The following SH2D4A variants were observed in gnomAD, a reference collection of about 807,000 sequenced individuals.
The protein encoded by SH2D4A is SH2 domain-containing protein 4A.
Under a neutral mutation model 64.7 loss-of-function variants are expected in SH2D4A, and 70 were observed. The observed-to-expected ratio is 1.08, with a 90% confidence interval of 0.89 to 1.32. The LOEUF (loss-of-function observed/expected upper bound fraction) is 1.32. Ranked by LOEUF, SH2D4A falls within the 40% of genes most tolerant of loss-of-function variation. SH2D4A has a pLI of 0.00. For missense variants in SH2D4A, 706 were observed against 540.1 expected (o/e 1.31, Z -3.04); for synonymous variants, 268 against 200.7 (o/e 1.34, Z -2.83).
intron 8 of SH2D4A, among the ~76,000 whole-genome samples, chr8:19,384,061 C>T (rs987314008): frequency 6.6e-6 from 1 of 152,160 alleles, no homozygotes; most frequent in Non-Finnish European, 1.5e-5. Flanking sequence ...CCTTTCTTTT[C>T]GTATCATTTT....
In SH2D4A at chr8:19,393,411, A is replaced by G. The variant is rs2053528190; in HGVS notation, c.1142A>G (p.Tyr381Cys). 6.2e-7 allele frequency: 1 copy of G among 1,614,114 alleles called. No individual in the cohort carries two copies. Among genetic ancestry groups the G allele is most frequent in the Non-Finnish European group, 8.5e-7 (1 of 1,180,044 alleles). Residue 381 changes from tyrosine to cysteine, a missense_variant, in exon 9 of 10, where the codon TAT (tyrosine) becomes TGT (cysteine). Physicochemically the swap from Tyr to Cys is radical, Grantham distance 194 (BLOSUM62 -2). Coordinates refer to ENST00000265807, the MANE Select transcript of SH2D4A (RefSeq NM_022071.4). ...LIRVSERIKG[Y>C]ALSYLSEDGC... Reference sequence around the variant, plus strand: ...CGAGTCAGTGAAAGGATCAAAGGCTATGCCCTGTCCTATCTGTCGGAGGAC... The same window carrying G: ...CGAGTCAGTGAAAGGATCAAAGGCTGTGCCCTGTCCTATCTGTCGGAGGAC...
chr8:19,327,493 C>A (rs903611432), intron 2 of SH2D4A, among the ~76,000 whole-genome samples: 1 of 152,298 alleles, frequency 6.6e-6, no homozygotes, highest in Non-Finnish European at 1.5e-5. Context: ...CTGTGTATCT[C>A]CATTTTCAAC....
chr8:19,361,390 G>A, intron 6 of SH2D4A, 76 bp downstream of exon 6: 1 of 1,429,138 alleles, frequency 7.0e-7, no homozygotes, highest in Non-Finnish European at 9.3e-7. Flanking sequence ...GATCAATCTA[G>A]AAAGCGCTTA....
intron 8 of SH2D4A, among the ~76,000 whole-genome samples, chr8:19,386,779 A>G (rs566116611): frequency 6.6e-6 from 1 of 152,222 alleles, no homozygotes; most frequent in African/African-American, 2.4e-5. Context: ...ATTTGTTATC[A>G]CATGCTTTTT....
At chr8:19,382,284 G>A (rs2053306628) in intron 8 of SH2D4A, among the ~76,000 whole-genome samples, 1 of 152,068 alleles carries the variant, frequency 6.6e-6, no homozygotes, top group Non-Finnish European at 1.5e-5. Context: ...AAAGAATCAA[G>A]AATCAGTAGG....
chr8:19,372,699 C>T (rs2053123973), intron 7 of SH2D4A, among the ~76,000 whole-genome samples: 1 of 152,182 alleles, frequency 6.6e-6, no homozygotes, highest in African/African-American at 2.4e-5. Context: ...TATTACATTG[C>T]AAGGTTACTC....
intron 1 of SH2D4A, among the ~76,000 whole-genome samples, chr8:19,314,926 AAAC>A (rs770130245): frequency 6.6e-6 from 1 of 152,262 alleles, no homozygotes; most frequent in Non-Finnish European, 1.5e-5. Context: ...TTCAATAAGA[AAAC>A]AAAGTTGGAC....
chr8:19,378,722 T>A (rs921665077), intron 8 of SH2D4A, among the ~76,000 whole-genome samples: 1 of 151,928 alleles, frequency 6.6e-6, no homozygotes, highest in African/African-American at 2.4e-5. Flanking sequence ...CGTTTTTAAG[T>A]GTACCATTCA....
chr8:19,336,030 C>T (rs2052440387), intron 4 of SH2D4A, among the ~76,000 whole-genome samples: 4 of 152,162 alleles, frequency 2.6e-5, no homozygotes, highest in African/African-American at 4.8e-5. Context: ...CTGCCTCCTC[C>T]TAGGACCTAG....
chr8:19,351,202 T>C (rs1179908730), intron 4 of SH2D4A, among the ~76,000 whole-genome samples: 1 of 152,226 alleles, frequency 6.6e-6, no homozygotes, highest in Admixed American at 6.5e-5. Flanking sequence ...TTAAAATTGC[T>C]GAGAAGAGGA....
At chr8:19,365,829 G>C (rs2052984283) in intron 7 of SH2D4A, among the ~76,000 whole-genome samples, 1 of 152,128 alleles carries the variant, frequency 6.6e-6, no homozygotes, top group Non-Finnish European at 1.5e-5. Flanking sequence ...AGTGTCTGTG[G>C]AGTTTTGCTC....
chr8:19,315,335 CA>C (rs1318878525), intron 1 of SH2D4A, among the ~76,000 whole-genome samples: 1 of 152,154 alleles, frequency 6.6e-6, no homozygotes, highest in Non-Finnish European at 1.5e-5. Flanking sequence ...GGAGTTTTGC[CA>C]TGTTGCCCAA....
At chr8:19,360,740 T>A (rs1171534963) in intron 5 of SH2D4A, 2 of 152,324 alleles carry the variant, frequency 1.3e-5, no homozygotes, top group East Asian at 3.8e-4. Flanking sequence ...GCATTTCTTC[T>A]GTGGAGTCTG....
At chr8:19,329,108 C>G (rs1282359174) in intron 2 of SH2D4A, among the ~76,000 whole-genome samples, 3 of 152,168 alleles carry the variant, frequency 2.0e-5, no homozygotes, top group Non-Finnish European at 4.4e-5. Flanking sequence ...CCTGCTGATT[C>G]CCTTCTCTGT....
intron 4 of SH2D4A, among the ~76,000 whole-genome samples, chr8:19,348,759 A>G (rs2052651241): frequency 6.6e-6 from 1 of 152,232 alleles, no homozygotes; most frequent in Non-Finnish European, 1.5e-5. Flanking sequence ...TAAGAGTGAA[A>G]AGCAGTATTA....
At position 19,394,753 on chromosome 8, in the gene SH2D4A, G is replaced by A; in HGVS notation, c.*111G>A. 1.7e-6 allele frequency: 1 copy of A among 586,662 alleles called. No individual in the cohort carries two copies. Among genetic ancestry groups the A allele is most frequent in the Non-Finnish European group, 2.7e-6 (1 of 370,386 alleles). The allele number at this position is 586,662 out of a possible 1,614,324, so 36.3% of individuals were successfully genotyped here. ...ATCACCCTGCAGCAGAGCCAATACT[G>A]ATCAACTGAAAGTAAAGTATCCATG... On this transcript the variant is annotated 3_prime_UTR_variant, in exon 10 of 10. Transcript: ENST00000265807.
At chr8:19,367,209 A>G (rs1320253587) in intron 7 of SH2D4A, among the ~76,000 whole-genome samples, 3 of 152,216 alleles carry the variant, frequency 2.0e-5, no homozygotes, top group African/African-American at 7.2e-5. Flanking sequence ...GCTGCAATAA[A>G]CATGGGAGTG....
intron 2 of SH2D4A, among the ~76,000 whole-genome samples, chr8:19,330,309 C>T (rs1195585743): frequency 6.6e-6 from 1 of 152,186 alleles, no homozygotes; most frequent in Non-Finnish European, 1.5e-5. Flanking sequence ...TATCCCCACT[C>T]TCTGAGCTCA....
intron 6 of SH2D4A, among the ~76,000 whole-genome samples, chr8:19,362,383 C>T (rs534312885): frequency 2.6e-4 from 40 of 152,208 alleles, no homozygotes; most frequent in South Asian, 1.9e-3. Flanking sequence ...ATTGCTATAA[C>T]AAAAAATTCT....
Sources: allele counts gnomAD v4.1 joint callset (sites outside exome capture counted in the v4.1 genomes callset), GRCh38; gene constraint gnomAD v4.1.1; transcripts MANE v1.5; gene names NCBI Gene and HGNC (gene_info 2026-07-23, HGNC 2026-07-21).